STPG2: variants seen among roughly 807,000 people sequenced by gnomAD.
The protein encoded by STPG2 is sperm tail PG-rich repeat containing 2, also known as sperm-tail PG-rich repeat-containing protein 2.
STPG2 carries 56 observed loss-of-function variants against 54.2 expected under a neutral mutation model. The observed-to-expected ratio is 1.03, with a 90% CI of 0.83 to 1.29. The LOEUF (loss-of-function observed/expected upper bound fraction) is 1.29. Ranked by LOEUF, STPG2 falls within the 50% of genes most tolerant of loss-of-function variation. The pLI, the probability that STPG2 is intolerant of heterozygous loss-of-function variation, is 0.00. For synonymous variants in STPG2, 200 were observed against 181.8 expected (o/e 1.10, Z -0.81); for missense variants, 596 against 544.9 (o/e 1.09, Z -0.93).
rs73831965 is a variant in STPG2 at position 97,617,150 on chromosome 4, A to G, written c.1321-58033T>C. Among the ~76,000 whole-genome samples, 32 of 137,248 alleles carry G rather than the reference A, an allele frequency of 2.3e-4. 1 individual carries two copies. The South Asian group carries it at 5.0e-3, about 21-fold the overall frequency. 90.0% of individuals were successfully genotyped at this position (137,248 alleles called of 152,430 possible). A position where few individuals can be genotyped will look rare whatever the true frequency, so the allele number is the denominator to read the frequency against. ...TTAAAGTGTGTGTGTGTGTGTGTGT[A>G]TGTAAATCTAAACTGTTGTTCATGA... On this transcript the variant is annotated intron_variant, in intron 10 of 10. Coordinates refer to ENST00000295268, the MANE Select transcript of STPG2 (RefSeq NM_174952.3).
At chr4:97,584,392 G>A (rs1482254482) in intron 10 of STPG2, among the ~76,000 whole-genome samples, 1 of 151,916 alleles carries the variant, frequency 6.6e-6, no homozygotes, top group Non-Finnish European at 1.5e-5. Flanking sequence ...GGTGTAAAGA[G>A]GAAAGTTCAT....
chr4:97,501,216 G>A (rs1418270802), intron 4 of STPG2, among the ~76,000 whole-genome samples: 1 of 152,060 alleles, frequency 6.6e-6, no homozygotes, highest in Non-Finnish European at 1.5e-5. Flanking sequence ...TAGTAGTGTA[G>A]AGAAAATCGT....
intron 8 of STPG2, among the ~76,000 whole-genome samples, chr4:97,878,846 A>G (rs1350787015): frequency 6.6e-6 from 1 of 152,022 alleles, no homozygotes; most frequent in Non-Finnish European, 1.5e-5. Context: ...TTTCTTTTCT[A>G]TTGCTTCCTC....
chr4:97,965,421 A>G (rs933227642), intron 7 of STPG2, among the ~76,000 whole-genome samples: 1 of 152,196 alleles, frequency 6.6e-6, no homozygotes, highest in African/African-American at 2.4e-5. Flanking sequence ...GGGCATAGTG[A>G]AACAAAAGGC....
At chr4:97,963,973 C>A (rs1733996165) in intron 7 of STPG2, among the ~76,000 whole-genome samples, 1 of 152,046 alleles carries the variant, frequency 6.6e-6, no homozygotes, top group Non-Finnish European at 1.5e-5. Context: ...AGGAGGCTAT[C>A]AGATGCACCA....
intron 10 of STPG2, among the ~76,000 whole-genome samples, chr4:97,637,131 A>T (rs996846228): frequency 6.6e-6 from 1 of 152,172 alleles, no homozygotes; most frequent in Admixed American, 6.5e-5. Context: ...GCACATCAAA[A>T]AGCTTATCCA....
rs970246304 is a variant in STPG2, at chr4:97,505,893, T to C, written c.462+206806A>G. Among the ~76,000 whole-genome samples, 9 of 151,626 alleles carry C rather than the reference T, an allele frequency of 5.9e-5. No homozygotes were observed. In the East Asian group the frequency reaches 1.8e-3, roughly 30 times the overall value. On this transcript the variant is annotated intron_variant, in intron 4 of 4. Transcript: ENST00000522676. Reference sequence around the variant, plus strand: ...TTATTATGGATATTTAGTTGTACAATGGCTATCCTATGTATTTTCATTTCG... The same window carrying C: ...TTATTATGGATATTTAGTTGTACAACGGCTATCCTATGTATTTTCATTTCG...
chr4:97,864,418 C>G (rs1265904377), intron 8 of STPG2, among the ~76,000 whole-genome samples: 1 of 152,110 alleles, frequency 6.6e-6, no homozygotes, highest in African/African-American at 2.4e-5. Flanking sequence ...GAACTACAAA[C>G]CACTGCTCAG....
At chr4:97,633,898 A>G (rs4266302) in intron 10 of STPG2, 91,805 of 153,972 alleles carry the variant, frequency 0.6, 27,955 homozygotes, top group African/African-American at 0.72. Flanking sequence ...ACTGCAAGGC[A>G]GCAGCCAGGC....
At chr4:97,668,886 T>C (rs938139689) in intron 10 of STPG2, among the ~76,000 whole-genome samples, 1 of 152,024 alleles carries the variant, frequency 6.6e-6, no homozygotes, top group Non-Finnish European at 1.5e-5. Context: ...AAAATTTGTT[T>C]GGATTAAGTG....
chr4:97,656,910 T>C (rs1196468221), intron 10 of STPG2, among the ~76,000 whole-genome samples: 1 of 151,958 alleles, frequency 6.6e-6, no homozygotes. Flanking sequence ...TTTTTGAAAA[T>C]ATATATGAAA....
intron 9 of STPG2, among the ~76,000 whole-genome samples, chr4:97,730,510 T>G (rs1324782970): frequency 6.6e-6 from 1 of 152,146 alleles, no homozygotes; most frequent in Non-Finnish European, 1.5e-5. Flanking sequence ...TTCCTTTGAG[T>G]AAATACCCAG....
At chr4:97,683,730 C>A (rs2148981619) in intron 10 of STPG2, among the ~76,000 whole-genome samples, 1 of 151,766 alleles carries the variant, frequency 6.6e-6, no homozygotes, top group South Asian at 2.1e-4. Flanking sequence ...TCTCTTCTCA[C>A]CACTAGTATT....
chr4:98,071,688 C>T (rs758408807), intron 5 of STPG2, among the ~76,000 whole-genome samples: 6 of 151,774 alleles, frequency 4.0e-5, no homozygotes, highest in Non-Finnish European at 7.4e-5. Flanking sequence ...TGATATTCAG[C>T]GACTACAAGA....
chr4:97,594,659 A>G (rs1472870134), intron 10 of STPG2, among the ~76,000 whole-genome samples: 5 of 152,192 alleles, frequency 3.3e-5, no homozygotes, highest in Non-Finnish European at 7.3e-5. Flanking sequence ...GACTTCTGAG[A>G]AACTATACAA....
chr4:97,846,414 C>T (rs1048167537), intron 8 of STPG2, among the ~76,000 whole-genome samples: 2 of 151,918 alleles, frequency 1.3e-5, no homozygotes, highest in African/African-American at 4.8e-5. Context: ...ATCACGAGAT[C>T]AGGAGTTCGA....
At chr4:98,052,593 T>C (rs757009753) in intron 5 of STPG2, among the ~76,000 whole-genome samples, 1 of 152,234 alleles carries the variant, frequency 6.6e-6, no homozygotes, top group Non-Finnish European at 1.5e-5. Flanking sequence ...ATTCTTCACA[T>C]TTAGCACTCC....
intron 10 of STPG2, among the ~76,000 whole-genome samples, chr4:97,648,475 C>T (rs191504802): frequency 1.6e-4 from 24 of 152,238 alleles, no homozygotes; most frequent in African/African-American, 4.3e-4. Context: ...GGACCACTTA[C>T]TATCAGTGTT....
At chr4:97,835,813 G>C (rs1041655394) in intron 9 of STPG2, among the ~76,000 whole-genome samples, 1 of 152,078 alleles carries the variant, frequency 6.6e-6, no homozygotes, top group East Asian at 1.9e-4. Flanking sequence ...TTTGAAAAAG[G>C]TTGATTCCAT....
Sources: allele counts gnomAD v4.1 joint callset (sites outside exome capture counted in the v4.1 genomes callset), GRCh38; gene constraint gnomAD v4.1.1; transcripts MANE v1.5; gene names NCBI Gene and HGNC (gene_info 2026-07-23, HGNC 2026-07-21).